PPP2R5C: variants seen among roughly 807,000 people sequenced by gnomAD.
The protein encoded by PPP2R5C is protein phosphatase 2 regulatory subunit B'gamma, also known as serine/threonine-protein phosphatase 2A 56 kDa regulatory subunit gamma isoform.
PPP2R5C carries 7 observed loss-of-function variants against 68.9 expected under a neutral mutation model. The observed-to-expected ratio is 0.10, with a 90% CI of 0.06 to 0.19. PPP2R5C has a LOEUF of 0.19. Among genes scored for constraint, PPP2R5C ranks in the 10% least tolerant of loss-of-function variants. The pLI, the probability that PPP2R5C is intolerant of heterozygous loss-of-function variation, is 1.00. For missense variants in PPP2R5C, 348 were observed against 641.3 expected (o/e 0.54, Z 4.94); for synonymous variants, 210 against 222.2 (o/e 0.95, Z 0.49).
chr14:101,889,985 C>T (rs1049740619), intron 5 of PPP2R5C: 1 of 591,824 alleles, frequency 1.7e-6, no homozygotes, highest in Non-Finnish European at 3.2e-6. Context: ...TTCCTAGATG[C>T]TTGAAATTTT....
At chr14:101,902,605 A>C (rs1033110513) in intron 9 of PPP2R5C, among the ~76,000 whole-genome samples, 4 of 152,228 alleles carry the variant, frequency 2.6e-5, no homozygotes, top group Non-Finnish European at 4.4e-5. Context: ...GGAGCAGGCC[A>C]CACAGTGGAA....
At chr14:101,854,885 G>A (rs1221375633) in intron 1 of PPP2R5C, among the ~76,000 whole-genome samples, 3 of 152,106 alleles carry the variant, frequency 2.0e-5, no homozygotes, top group South Asian at 4.1e-4. Flanking sequence ...ATCTAGCCAC[G>A]TTGGCCAGGC....
rs2043874963 is a variant in PPP2R5C, at chr14:101,877,711, CTG to C, written c.295-4448_295-4447del. On this transcript the variant is annotated intron_variant, in intron 2 of 13. Coordinates refer to ENST00000334743, the Ensembl canonical transcript of PPP2R5C. This position sits in a 1 kb window ranked among gnomAD's most constrained non-coding sequence, Gnocchi z 4.2. ...TTTGAGGTGATAGACCGTTGGCCCTCTGTTCCTTCCCCCCGCCCCAGTATTAC... is the reference window on the plus strand; with the variant it reads ...TTTGAGGTGATAGACCGTTGGCCCTCTTCCTTCCCCCCGCCCCAGTATTAC... 6.6e-6 allele frequency among the ~76,000 whole-genome samples: 1 copy of C among 152,212 alleles called. No individual in the cohort carries two copies. Among genetic ancestry groups the C allele is most frequent in the African/African-American group, 2.4e-5 (1 of 41,444 alleles).
chr14:101,761,568 G>C (rs1171382067), upstream of PPP2R5C, among the ~76,000 whole-genome samples: 1 of 143,320 alleles, frequency 7.0e-6, no homozygotes, highest in Non-Finnish European at 1.5e-5. Flanking sequence ...TGAGTGCAGC[G>C]GGGCGGGGCC....
chr14:101,783,702 G>A (rs556199418), intron 2 of PPP2R5C, among the ~76,000 whole-genome samples: 83 of 152,308 alleles, frequency 5.4e-4, no homozygotes, highest in Middle Eastern at 3.4e-3. Context: ...CCATGCAGCC[G>A]ACCTTCCAGC....
chr14:101,904,086 G>A (rs2045882474), intron 9 of PPP2R5C, among the ~76,000 whole-genome samples: 1 of 152,184 alleles, frequency 6.6e-6, no homozygotes, highest in African/African-American at 2.4e-5. Flanking sequence ...TTCTAAATCA[G>A]GCTTAAAATA....
rs1171930640 is a variant in PPP2R5C, at chr14:101,882,952, G to C, written c.406-305G>C. On this transcript the variant is annotated intron_variant, in intron 3 of 13. Coordinates refer to ENST00000334743, the Ensembl canonical transcript of PPP2R5C. The surrounding 1 kb of genome is among the most constrained non-coding windows in gnomAD (Gnocchi z 4.9). ...AATCCCCCCTGCAGAGTTGGGTCATGGCTTGGTTTGTGGCATCTGTGCCCT... is the reference window on the plus strand; with the variant it reads ...AATCCCCCCTGCAGAGTTGGGTCATCGCTTGGTTTGTGGCATCTGTGCCCT... 3.8e-6 allele frequency: 1 copy of C among 261,934 alleles called. No homozygotes were observed. The highest frequency in any genetic ancestry group is 7.2e-6 in the Non-Finnish European group (1 of 139,368). The allele number at this position is 261,934 out of a possible 1,614,324, so 16.2% of individuals were successfully genotyped here.
intron 2 of PPP2R5C, among the ~76,000 whole-genome samples, chr14:101,767,978 C>T (rs2036945934): frequency 6.6e-6 from 1 of 152,190 alleles, no homozygotes; most frequent in Non-Finnish European, 1.5e-5. Context: ...CCTTTGTGAC[C>T]TCCACTGCTC....
chr14:101,896,613 G>A (rs1264863949), intron 8 of PPP2R5C, among the ~76,000 whole-genome samples: 13 of 125,016 alleles, frequency 1.0e-4, no homozygotes, highest in African/African-American at 4.0e-4. Context: ...GTGTGCCTGG[G>A]CAACACAGTG....
Position 101,781,879 on chromosome 14 carries a change from G to A in PPP2R5C, c.94-4139G>A, listed in dbSNP as rs527720752. Among the ~76,000 whole-genome samples, 1 of 151,784 alleles carries A rather than the reference G, an allele frequency of 6.6e-6. No individual in the cohort carries two copies. Among genetic ancestry groups the A allele is most frequent in the African/African-American group, 2.4e-5 (1 of 41,318 alleles). ...GGCCGTGGCCGTGGCCAGGTGTACC[G>A]GAGCGGCACCCAGGAGCCCGCCCTA... On this transcript the variant is annotated intron_variant, in intron 2 of 14. Coordinates refer to the PPP2R5C transcript ENST00000328724. This position sits in a 1 kb window ranked among gnomAD's most constrained non-coding sequence, Gnocchi z 6.4.
At position 101,863,543 on chromosome 14, in the gene PPP2R5C, C is replaced by T. The variant is rs189176524; in HGVS notation, c.294+6658C>T. Among the ~76,000 whole-genome samples the T allele has an allele frequency of 4.3e-3, 653 of 152,266 alleles. 5 individuals carry two copies. The highest frequency in any genetic ancestry group is 0.015 in the African/African-American group (624 of 41,550). On this transcript the variant is annotated intron_variant, in intron 2 of 13. Coordinates refer to ENST00000334743, the Ensembl canonical transcript of PPP2R5C. ...CTAAGACCAAAAAGTTTCAGAGCTA[C>T]TTTTCTAAAACAGTGCCACTCAAAG...
At chr14:101,780,477 T>C (rs946452711) in intron 2 of PPP2R5C, among the ~76,000 whole-genome samples, 1 of 152,162 alleles carries the variant, frequency 6.6e-6, no homozygotes. Flanking sequence ...TTGTCGCCGC[T>C]TGGGGGGAGG....
chr14:101,827,696 G>A (rs938493552), intron 1 of PPP2R5C, among the ~76,000 whole-genome samples: 9 of 152,162 alleles, frequency 5.9e-5, no homozygotes, highest in Admixed American at 2.6e-4. Flanking sequence ...AAATTATCTC[G>A]TTTTGGGAAA....
rs2037665111 is a variant in PPP2R5C, at chr14:101,781,177, A to C, written c.94-4841A>C. On this transcript the variant is annotated intron_variant, in intron 2 of 14. Transcript: ENST00000328724. The surrounding 1 kb of genome is among the most constrained non-coding windows in gnomAD (Gnocchi z 6.4). ...GGGAGCCGGGTGTCGGGGCTGCGGC[A>C]GGGTCCCCACCGGGCTGTCCACGAA... Among the ~76,000 whole-genome samples, 1 of 152,148 alleles carries C rather than the reference A, an allele frequency of 6.6e-6. No individual in the cohort carries two copies. The highest frequency in any genetic ancestry group is 1.5e-5 in the Non-Finnish European group (1 of 68,014).
chr14:101,913,263 C>A lies in PPP2R5C; in HGVS notation c.1326+790C>A, dbSNP rs550515369. ...CCACTCTTAAGAATTCTCAAGCTTT[C>A]CTTCAACTCTCCAGAAAAGATTTTA... On this transcript the variant is annotated intron_variant, in intron 12 of 13. Transcript: ENST00000334743. This position sits in a 1 kb window ranked among gnomAD's most constrained non-coding sequence, Gnocchi z 4.1. Among the ~76,000 whole-genome samples, 7 of 152,316 alleles carry A rather than the reference C, an allele frequency of 4.6e-5. No individual in the cohort carries two copies. In the South Asian group the frequency reaches 1.2e-3, roughly 27 times the overall value.
intron 4 of PPP2R5C, 29 bp downstream of exon 6, chr14:101,883,378 A>G (rs2044282521): frequency 6.2e-7 from 1 of 1,609,352 alleles, no homozygotes; most frequent in Non-Finnish European, 8.5e-7. Flanking sequence ...GACACTCTGA[A>G]AGCCCTGATG....
intron 1 of PPP2R5C, among the ~76,000 whole-genome samples, chr14:101,830,390 A>G (rs573882096): frequency 6.6e-6 from 1 of 152,314 alleles, no homozygotes; most frequent in Non-Finnish European, 1.5e-5. Flanking sequence ...ACTGTAAACA[A>G]ATGCTACATT....
chr14:101,842,520 C>T (rs1319917898), intron 1 of PPP2R5C, among the ~76,000 whole-genome samples: 1 of 152,186 alleles, frequency 6.6e-6, no homozygotes, highest in Non-Finnish European at 1.5e-5. Flanking sequence ...TCAGGGTCCC[C>T]ACCCAGGTGT....
At chr14:101,880,578 T>C (rs1221728117) in intron 2 of PPP2R5C, among the ~76,000 whole-genome samples, 2 of 152,182 alleles carry the variant, frequency 1.3e-5, no homozygotes, top group African/African-American at 4.8e-5. Flanking sequence ...GGAGGATTGC[T>C]TAAGCCCAGG....
Sources: allele counts gnomAD v4.1 joint callset (sites outside exome capture counted in the v4.1 genomes callset), GRCh38; gene constraint gnomAD v4.1.1; non-coding constraint Gnocchi (gnomAD v3.1); transcripts MANE v1.5; gene names NCBI Gene and HGNC (gene_info 2026-07-23, HGNC 2026-07-21).